The following DLEC1 variants were observed in gnomAD, a reference collection of about 807,000 sequenced individuals.
DLEC1 encodes the protein DLEC1 cilia and flagella associated protein.
DLEC1 carries 146 observed loss-of-function variants against 198.1 expected under a neutral mutation model. The ratio of observed to expected loss-of-function variants is 0.74; its 90% CI spans 0.64 to 0.85. The LOEUF (loss-of-function observed/expected upper bound fraction) is 0.85, where lower values mean the gene tolerates loss of function less well. Ranked by LOEUF, DLEC1 falls within the 40% of genes least tolerant of loss-of-function variation. The probability of loss-of-function intolerance (pLI) is 0.00; values close to 1 mark genes in which losing one functional copy is unlikely to be tolerated. For synonymous variants in DLEC1, 897 were observed against 866.8 expected (o/e 1.03, Z -0.61); for missense variants, 2,233 against 2,220.0 (o/e 1.01, Z -0.12).
Position 38,071,678 on chromosome 3 carries a change from C to T in DLEC1, c.1173+7759C>T, listed in dbSNP as rs143952889. ...CGTTGCTTAGAGCAATGGGATCTGA[C>T]GCCTTTTGATGCCTCTTGCAGTGAA... On this transcript the variant is annotated intron_variant, in intron 6 of 36. Coordinates refer to ENST00000308059, the MANE Select transcript of DLEC1 (RefSeq NM_007335.4). Among the ~76,000 whole-genome samples the T allele has an allele frequency of 4.9e-3, 740 of 152,278 alleles. 10 individuals are homozygous for T. The highest frequency in any genetic ancestry group is 0.016 in the African/African-American group (663 of 41,546).
intron 6 of DLEC1, among the ~76,000 whole-genome samples, chr3:38,065,338 GGGAGAGGGA>G (rs1696968454): frequency 2.7e-5 from 4 of 148,202 alleles, no homozygotes; most frequent in Admixed American, 6.6e-5. Flanking sequence ...CAGAGGGAGA[GGGAGAGGGA>G]GGAGAGGGAG....
At chr3:38,040,590 G>A (rs1224746048) in intron 1 of DLEC1, among the ~76,000 whole-genome samples, 1 of 152,144 alleles carries the variant, frequency 6.6e-6, no homozygotes, top group Non-Finnish European at 1.5e-5. Context: ...TCTGTGATTC[G>A]TGGGTCACCA....
chr3:38,097,132 T>C lies in DLEC1; in HGVS notation c.2341-50T>C, dbSNP rs370800259. On this transcript the variant is annotated intron_variant, in intron 15 of 36. Coordinates refer to ENST00000308059, the MANE Select transcript of DLEC1 (RefSeq NM_007335.4). ...CTACAGTCCTTCAGCAGGTACAGAATTGACATGAAGGGGCAGTAAATGGGC... is the reference window on the plus strand; with the variant it reads ...CTACAGTCCTTCAGCAGGTACAGAACTGACATGAAGGGGCAGTAAATGGGC... 5 of 1,471,546 alleles carry C rather than the reference T, an allele frequency of 3.4e-6. No homozygotes were observed. The African/African-American group carries it at 4.2e-5, about 12-fold the overall frequency. 91.2% of individuals were successfully genotyped at this position (1,471,546 alleles called of 1,614,324 possible). A position where few individuals can be genotyped will look rare whatever the true frequency, so the allele number is the denominator to read the frequency against.
intron 23 of DLEC1, among the ~76,000 whole-genome samples, chr3:38,110,874 ACATG>A (rs1193812711): frequency 6.6e-6 from 1 of 152,102 alleles, no homozygotes; most frequent in African/African-American, 2.4e-5. Flanking sequence ...ATATACATAC[ACATG>A]CATAGACACA....
At chr3:38,053,745 G>T (rs1186077550) in intron 2 of DLEC1, among the ~76,000 whole-genome samples, 1 of 152,242 alleles carries the variant, frequency 6.6e-6, no homozygotes, top group Non-Finnish European at 1.5e-5. Flanking sequence ...CGGTTTTGTT[G>T]AATGGAAAAG....
At position 38,039,208 on chromosome 3, in the gene DLEC1, A is replaced by G. The variant is rs773294485; in HGVS notation, c.-18A>G. 4 of 1,581,962 alleles carry G rather than the reference A, an allele frequency of 2.5e-6. No homozygotes were observed. In the East Asian group the frequency reaches 6.7e-5, roughly 27 times the overall value. ...GGAAGCCGAAGTGCCGCAGGGAGTT[A>G]GCGGCGTCTCGGTTGCCATGGAGAC... On this transcript the variant is annotated 5_prime_UTR_variant, in exon 1 of 37. Transcript: ENST00000308059.
intron 1 of DLEC1, among the ~76,000 whole-genome samples, chr3:38,042,948 A>C (rs1457915040): frequency 2.6e-5 from 4 of 152,134 alleles, no homozygotes; most frequent in African/African-American, 9.7e-5. Context: ...TGTCACTGCC[A>C]TGTGACCATC....
intron 6 of DLEC1, among the ~76,000 whole-genome samples, chr3:38,078,252 G>C (rs1269533327): frequency 1.3e-5 from 2 of 152,198 alleles, no homozygotes; most frequent in Non-Finnish European, 2.9e-5. Context: ...TATGCGTCAG[G>C]TATGAGGAAG....
chr3:38,043,157 TCC>T (rs1216876255), intron 1 of DLEC1, among the ~76,000 whole-genome samples: 1 of 152,182 alleles, frequency 6.6e-6, no homozygotes, highest in African/African-American at 2.4e-5. Context: ...AAGTCCTGGC[TCC>T]TACACATACC....
In DLEC1 at chr3:38,120,758, C is replaced by T. The variant is rs1700409973; in HGVS notation, c.4866+149C>T. 4 of 1,164,048 alleles carry T rather than the reference C, an allele frequency of 3.4e-6. No homozygotes were observed. The Admixed American group carries it at 8.4e-5, about 25-fold the overall frequency. 72.1% of individuals were successfully genotyped at this position (1,164,048 alleles called of 1,614,324 possible). On this transcript the variant is annotated intron_variant, in intron 34 of 36. Transcript: ENST00000308059. ...GGGGCTCAGTCTCCCCTAGAAGAGG[C>T]CCTGTGTGCAGAGAGATGAGGGCCA... is the stretch of plus-strand genomic sequence containing the variant.
In DLEC1 at chr3:38,062,703, T is replaced by C. The variant is rs968411405; in HGVS notation, c.996T>C (p.Phe332=). 10 of 1,613,998 alleles carry C rather than the reference T, an allele frequency of 6.2e-6. No homozygotes were observed. Among genetic ancestry groups the C allele is most frequent in the Non-Finnish European group, 8.5e-6 (10 of 1,180,038 alleles). Residue 332 remains phenylalanine, a synonymous_variant, in exon 5 of 37, where the codon TTT becomes TTC. Coordinates refer to ENST00000308059, the MANE Select transcript of DLEC1 (RefSeq NM_007335.4). ...SRNHFLKNPR[F]FPPNTRYGGK... ...ACCACTTCCTAAAAAATCCCCGTTT[T>C]TTTCCTCCTAACACTCGATATGGAG...
At chr3:38,080,097 A>C (rs1033209930) in intron 6 of DLEC1, among the ~76,000 whole-genome samples, 2 of 152,212 alleles carry the variant, frequency 1.3e-5, no homozygotes, top group Non-Finnish European at 2.9e-5. Context: ...TTGATGAAAA[A>C]GCCTAAATGC....
At chr3:38,056,614 A>G (rs1049767875) in intron 2 of DLEC1, among the ~76,000 whole-genome samples, 15 of 152,194 alleles carry the variant, frequency 9.9e-5, no homozygotes, top group African/African-American at 2.9e-4. Flanking sequence ...CCGGCCAACT[A>G]CATTAAATTT....
At chr3:38,065,015 C>T (rs1490647836) in intron 6 of DLEC1, among the ~76,000 whole-genome samples, 3 of 152,144 alleles carry the variant, frequency 2.0e-5, no homozygotes, top group East Asian at 1.9e-4. Context: ...TGTAGCGAGC[C>T]GAGATCATGC....
chr3:38,102,245 C>T (rs1449946361), intron 19 of DLEC1, among the ~76,000 whole-genome samples: 1 of 152,150 alleles, frequency 6.6e-6, no homozygotes, highest in African/African-American at 2.4e-5. Flanking sequence ...CACACTCCCA[C>T]CTTAACAATC....
intron 8 of DLEC1, 141 bp from the exon 9 acceptor site, chr3:38,086,100 C>A: frequency 8.3e-7 from 1 of 1,205,222 alleles, no homozygotes; most frequent in Non-Finnish European, 1.1e-6. Flanking sequence ...CAGGACATGT[C>A]CCCACTCATC....
intron 6 of DLEC1, among the ~76,000 whole-genome samples, chr3:38,067,408 A>G (rs1454818503): frequency 6.6e-6 from 1 of 152,256 alleles, no homozygotes; most frequent in African/African-American, 2.4e-5. Flanking sequence ...AACTCTTAAG[A>G]GATTTTGCAG....
At chr3:38,106,172 TTAAATCAG>T (rs1393663358) in intron 19 of DLEC1, among the ~76,000 whole-genome samples, 1 of 152,246 alleles carries the variant, frequency 6.6e-6, no homozygotes, top group African/African-American at 2.4e-5. Context: ...TAGTTGCCCT[TTAAATCAG>T]ATAGAAAAGT....
In DLEC1 at chr3:38,112,874, G is replaced by A. The variant is rs924205762; in HGVS notation, c.3666+513G>A. Among the ~76,000 whole-genome samples the A allele has an allele frequency of 2.0e-5, 3 of 152,146 alleles. No individual in the cohort carries two copies. The highest frequency in any genetic ancestry group is 7.2e-5 in the African/African-American group (3 of 41,422). On this transcript the variant is annotated intron_variant, in intron 25 of 36. Transcript: ENST00000308059. This position sits in a 1 kb window ranked among gnomAD's most constrained non-coding sequence, Gnocchi z 4.8. Reference sequence around the variant, plus strand: ...AGGGATGAATAAGGTAACCAGCAAGGCACCCCTAGTTTAGTCTGGAGGGAT... The same window carrying A: ...AGGGATGAATAAGGTAACCAGCAAGACACCCCTAGTTTAGTCTGGAGGGAT...
Sources: gnomAD v4.1 joint callset for allele counts (sites outside exome capture counted in the v4.1 genomes callset) on GRCh38, gnomAD v4.1.1 for gene constraint, Gnocchi (gnomAD v3.1) non-coding constraint, MANE v1.5 for transcripts, NCBI Gene and HGNC (gene_info 2026-07-23, HGNC 2026-07-21) for gene names.